The following B4GALNT2 variants were observed in gnomAD, a reference collection of about 807,000 sequenced individuals.
The protein encoded by B4GALNT2 is N-acetylneuraminylgalactosylglucosyl-glucoside beta-1,4-N- acetylgalactosaminyltransferase 2.
In B4GALNT2, 42 loss-of-function variants were observed where a neutral mutation model predicts 51.1. The observed-to-expected ratio is 0.82, with a 90% CI of 0.64 to 1.06. The LOEUF (loss-of-function observed/expected upper bound fraction) is 1.06, where lower values mean the gene tolerates loss of function less well. Among genes scored for constraint, B4GALNT2 ranks in the 50% least tolerant of loss-of-function variants. The pLI, the probability that B4GALNT2 is intolerant of heterozygous loss-of-function variation, is 0.00. For missense variants in B4GALNT2, 602 were observed against 633.6 expected, an observed-to-expected ratio of 0.95 and a Z score of 0.54; for synonymous variants, 253 against 251.7, an observed-to-expected ratio of 1.01 and a Z score of -0.05.
At chr17:49,135,967 C>T (rs1459391018) in intron 1 of B4GALNT2, among the ~76,000 whole-genome samples, 1 of 151,604 alleles carries the variant, frequency 6.6e-6, no homozygotes, top group Non-Finnish European at 1.5e-5. Flanking sequence ...CCTGTAGTCC[C>T]AGCTACTTGG....
intron 1 of B4GALNT2, chr17:49,133,109 G>A (rs1395856940): frequency 6.6e-7 from 1 of 1,524,794 alleles, no homozygotes; most frequent in Non-Finnish European, 8.7e-7. Flanking sequence ...GGACGCCCGA[G>A]TGTGGGAATC....
upstream of B4GALNT2, chr17:49,132,704 T>C (rs2042550357): frequency 1.5e-6 from 2 of 1,350,872 alleles, no homozygotes; most frequent in Admixed American, 4.0e-5. Flanking sequence ...CGCCGAGAAT[T>C]TGCCCGGGTC....
chr17:49,152,998 T>A, intron 4 of B4GALNT2, 92 bp downstream of exon 4: 1 of 1,139,608 alleles, frequency 8.8e-7, no homozygotes, highest in Non-Finnish European at 1.3e-6. Flanking sequence ...GGCTCATGCC[T>A]GTAATTCCAG....
the B4GALNT2 span, among the ~76,000 whole-genome samples, chr17:49,126,521 G>T: frequency 7.3e-6 from 1 of 136,516 alleles, no homozygotes; most frequent in Non-Finnish European, 1.6e-5. Context: ...AACAAACTCC[G>T]TGTGTCCTAG....
chr17:49,123,386 T>C, the B4GALNT2 span, among the ~76,000 whole-genome samples: 1 of 152,234 alleles, frequency 6.6e-6, no homozygotes, highest in Non-Finnish European at 1.5e-5. Context: ...CCAGAAAAGT[T>C]AGAATTTAAT....
intron 5 of B4GALNT2, 36 bp downstream of exon 5, chr17:49,156,639 G>A (rs1215295325): frequency 1.2e-6 from 2 of 1,606,946 alleles, no homozygotes; most frequent in Non-Finnish European, 1.7e-6. Flanking sequence ...TGCACTTGGT[G>A]TCCTGTCCTC....
chr17:49,164,132 C>T lies in B4GALNT2; in HGVS notation c.811C>T (p.Leu271Phe). ...GGTTACCATTGCTACCAAGACTTTC[C>T]TCCGCCCCCACAAGCTCATGATCAT... The part of the protein sequence containing the change: ...NLVTIATKTF[L>F]RPHKLMIMLR... Residue 271 changes from leucine to phenylalanine, a missense_variant, in exon 8 of 11, where the codon CTC becomes TTC. Physicochemically the swap from Leu to Phe is conservative, Grantham distance 22 (BLOSUM62 0). Transcript: ENST00000393354. 6.2e-7 allele frequency: 1 copy of T among 1,614,110 alleles called. No individual in the cohort carries two copies. The highest frequency in any genetic ancestry group is 8.5e-7 in the Non-Finnish European group (1 of 1,179,984).
rs762163605 is a variant in B4GALNT2, at chr17:49,152,921, A to G, written c.460+15A>G. 2.5e-6 allele frequency: 4 copies of G among 1,584,508 alleles called. No homozygotes were observed. Among genetic ancestry groups the G allele is most frequent in the Middle Eastern group, 3.3e-4 (2 of 6,032 alleles). On this transcript the variant is annotated intron_variant, in intron 4 of 10. Transcript: ENST00000393354. Reference sequence around the variant, plus strand: ...TCCCATCCCAGGTAAGTACATCCACATACCAAGAGACCCCAGACAACATTC... The same window carrying G: ...TCCCATCCCAGGTAAGTACATCCACGTACCAAGAGACCCCAGACAACATTC...
intron 1 of B4GALNT2, among the ~76,000 whole-genome samples, chr17:49,137,155 A>T (rs1224560410): frequency 6.6e-6 from 1 of 152,222 alleles, no homozygotes; most frequent in Non-Finnish European, 1.5e-5. Context: ...TAGGTATTTT[A>T]AAAATTACAA....
rs2042909987 is a variant in B4GALNT2 at position 49,166,226 on chromosome 17, A to T, written c.1067A>T (p.Asp356Val). ...GAGACCAAGATTGAGGTGCTGGTGG[A>T]TGTCCTGGAGAAAACAGAACTGGAC... ...NEETKIEVLV[D>V]VLEKTELDVV... The change falls in exon 9 of 11, where the codon GAT becomes GTT. Residue 356 changes from aspartate (D) to valine (V), a missense_variant. Coordinates refer to ENST00000393354, the MANE Select transcript of B4GALNT2 (RefSeq NM_001159387.2). The T allele has an allele frequency of 2.5e-6, 4 of 1,613,934 alleles. No homozygotes were observed. Among genetic ancestry groups the T allele is most frequent in the Non-Finnish European group, 2.5e-6 (3 of 1,180,012 alleles).
In B4GALNT2 at chr17:49,175,041, T is replaced by C. The variant is rs2042979324; in HGVS notation, c.*5313T>C. 6.6e-6 allele frequency: 1 copy of C among 152,162 alleles called. No individual in the cohort carries two copies. Among genetic ancestry groups the C allele is most frequent in the South Asian group, 2.1e-4 (1 of 4,832 alleles). 9.4% of individuals were successfully genotyped at this position (152,162 alleles called of 1,614,324 possible). A position where few individuals can be genotyped will look rare whatever the true frequency, so the allele number is the denominator to read the frequency against. On this transcript the variant is annotated 3_prime_UTR_variant, in exon 11 of 11. Coordinates refer to ENST00000393354, the MANE Select transcript of B4GALNT2 (RefSeq NM_001159387.2). ...TGGTTGAATAGTCCCATGTTGTCCATCGGGCCCCTCACAATGCAAAATATA... is the reference window on the plus strand; with the variant it reads ...TGGTTGAATAGTCCCATGTTGTCCACCGGGCCCCTCACAATGCAAAATATA...
In B4GALNT2 at chr17:49,139,844, C is replaced by T. The variant is rs16946762; in HGVS notation, c.15-1403C>T. 1.9e-3 allele frequency among the ~76,000 whole-genome samples: 281 copies of T among 151,728 alleles called. 5 individuals are homozygous for T. The highest frequency in any genetic ancestry group is 6.0e-3 in the African/African-American group (250 of 41,406). ...TTACATTTGAATTGCATTGTCAGAA[C>T]GTATGATCTGAACGATTTCTACTTT... On this transcript the variant is annotated intron_variant, in intron 1 of 10. Coordinates refer to ENST00000393354, the MANE Select transcript of B4GALNT2 (RefSeq NM_001159387.2).
upstream of B4GALNT2, among the ~76,000 whole-genome samples, chr17:49,131,462 G>GAAAA (rs367790096): frequency 2.8e-4 from 28 of 100,300 alleles, no homozygotes; most frequent in East Asian, 5.2e-4. Context: ...CCCAGACTCC[G>GAAAA]AAAAAAAAAA....
intron 1 of B4GALNT2, chr17:49,133,086 G>T: frequency 6.6e-7 from 1 of 1,514,764 alleles, no homozygotes; most frequent in Non-Finnish European, 8.8e-7. Flanking sequence ...TCGCGGCCGG[G>T]AATGTGTCTC....
At chr17:49,123,737 T>A in the B4GALNT2 span, among the ~76,000 whole-genome samples, 28 of 152,194 alleles carry the variant, frequency 1.8e-4, no homozygotes, top group Non-Finnish European at 4.0e-4. Context: ...CAAAATAACT[T>A]GGGGTTCCTG....
chr17:49,135,635 T>TA (rs776306660), intron 1 of B4GALNT2, among the ~76,000 whole-genome samples: 90 of 152,246 alleles, frequency 5.9e-4, no homozygotes, highest in Middle Eastern at 3.4e-3. Flanking sequence ...TTTTGACCAA[T>TA]AAAAAATCTG....
chr17:49,130,162 A>G (rs181366684), upstream of B4GALNT2, among the ~76,000 whole-genome samples: 170 of 152,348 alleles, frequency 1.1e-3, no homozygotes, highest in Non-Finnish European at 2.0e-3. Flanking sequence ...AACCACAATC[A>G]CCAATCACAA....
chr17:49,143,157 G>C (rs759213341), intron 3 of B4GALNT2, among the ~76,000 whole-genome samples: 15 of 152,130 alleles, frequency 9.9e-5, no homozygotes, highest in Non-Finnish European at 1.8e-4. Flanking sequence ...GCTGAGGCAG[G>C]AGAATCACTT....
intron 6 of B4GALNT2, among the ~76,000 whole-genome samples, 183 bp downstream of exon 6, chr17:49,159,400 T>C (rs962772648): frequency 6.6e-6 from 1 of 152,156 alleles, no homozygotes; most frequent in Non-Finnish European, 1.5e-5. Flanking sequence ...GGAGTGCAGT[T>C]CTGTGATCTC....
Sources: allele counts gnomAD v4.1 joint callset (sites outside exome capture counted in the v4.1 genomes callset), GRCh38; gene constraint gnomAD v4.1.1; transcripts MANE v1.5; gene names NCBI Gene and HGNC (gene_info 2026-07-23, HGNC 2026-07-21).